Variants in COX7B2 observed in about 807,000 individuals in gnomAD.
COX7B2 encodes cytochrome c oxidase subunit 7B2, mitochondrial.
For synonymous variants in COX7B2, 37 were observed against 32.1 expected (o/e 1.15, Z -0.51); for missense variants, 109 against 95.9 (o/e 1.14, Z -0.57).
chr4:46,828,021 C>A (rs1451768021), intron 2 of COX7B2, among the ~76,000 whole-genome samples: 1 of 152,078 alleles, frequency 6.6e-6, no homozygotes, highest in South Asian at 2.1e-4. Context: ...GGAGGGCACA[C>A]AGATGTATGC....
chr4:46,747,461 G>A (rs1180997199), intron 2 of COX7B2, among the ~76,000 whole-genome samples: 2 of 151,680 alleles, frequency 1.3e-5, no homozygotes, highest in African/African-American at 4.8e-5. Flanking sequence ...GTGCCACCAC[G>A]CCTGGCTAAT....
chr4:46,900,495 AG>A (rs1720014337), intron 1 of COX7B2, among the ~76,000 whole-genome samples: 1 of 152,142 alleles, frequency 6.6e-6, no homozygotes, highest in South Asian at 2.1e-4. Flanking sequence ...AACTGGTGGC[AG>A]GGGAGGAGGG....
Position 46,826,974 on chromosome 4 carries a change from A to G in COX7B2, c.-50+17986T>C, listed in dbSNP as rs554197146. On this transcript the variant is annotated intron_variant, in intron 2 of 2. Coordinates refer to ENST00000355591, the MANE Select transcript of COX7B2 (RefSeq NM_130902.3). Reference sequence around the variant, plus strand: ...ATAACTGAAATGTAATTCACTGAATATGACCAAATGGTTTTAAAATGGAAA... The same window carrying G: ...ATAACTGAAATGTAATTCACTGAATGTGACCAAATGGTTTTAAAATGGAAA... 2.6e-5 allele frequency among the ~76,000 whole-genome samples: 4 copies of G among 152,296 alleles called. No individual in the cohort carries two copies. In the East Asian group the frequency reaches 7.7e-4, roughly 29 times the overall value.
chr4:46,812,029 AT>A (rs895063388), intron 2 of COX7B2, among the ~76,000 whole-genome samples: 14 of 151,888 alleles, frequency 9.2e-5, no homozygotes, highest in Non-Finnish European at 1.9e-4. Context: ...TTAGCTGGGG[AT>A]TTTTCTTGAA....
chr4:46,878,410 A>G (rs917600845), intron 1 of COX7B2, among the ~76,000 whole-genome samples: 1 of 151,972 alleles, frequency 6.6e-6, no homozygotes, highest in Non-Finnish European at 1.5e-5. Flanking sequence ...TTACCATAAA[A>G]AAAAAGGTGA....
At chr4:46,786,365 T>C (rs1717753968) in intron 2 of COX7B2, among the ~76,000 whole-genome samples, 1 of 152,234 alleles carries the variant, frequency 6.6e-6, no homozygotes, top group Non-Finnish European at 1.5e-5. Context: ...TGTTGAACAC[T>C]AATGTTGATT....
chr4:46,747,587 C>T (rs916953254), intron 2 of COX7B2, among the ~76,000 whole-genome samples: 1 of 152,108 alleles, frequency 6.6e-6, no homozygotes, highest in African/African-American at 2.4e-5. Flanking sequence ...CAAGCATGAG[C>T]CACTGTGGCT....
chr4:46,827,446 G>A (rs140375589), intron 2 of COX7B2, among the ~76,000 whole-genome samples: 57 of 152,180 alleles, frequency 3.7e-4, no homozygotes, highest in Non-Finnish European at 6.5e-4. Flanking sequence ...GCCAGAAGAC[G>A]TCAGAATGGC....
chr4:46,829,927 T>C (rs569427763), intron 2 of COX7B2, among the ~76,000 whole-genome samples: 1 of 152,152 alleles, frequency 6.6e-6, no homozygotes, highest in South Asian at 2.1e-4. Flanking sequence ...TATTAATCAG[T>C]TGTATGGAGA....
intron 1 of COX7B2, among the ~76,000 whole-genome samples, chr4:46,908,935 T>A (rs867019560): frequency 3.3e-5 from 5 of 151,582 alleles, no homozygotes; most frequent in Admixed American, 6.6e-5. Flanking sequence ...TCCCAGCTAC[T>A]CGGGAGGCTG....
chr4:46,750,443 T>A (rs565342498), intron 2 of COX7B2, among the ~76,000 whole-genome samples: 2 of 152,016 alleles, frequency 1.3e-5, no homozygotes, highest in African/African-American at 4.8e-5. Flanking sequence ...TATAAGGACA[T>A]GTATATATGA....
chr4:46,873,834 T>C (rs1463556332), intron 1 of COX7B2, among the ~76,000 whole-genome samples: 1 of 152,126 alleles, frequency 6.6e-6, no homozygotes, highest in East Asian at 1.9e-4. Flanking sequence ...CCTCACCCCA[T>C]GACAGGACCC....
chr4:46,743,969 T>C (rs1204803898), intron 2 of COX7B2, among the ~76,000 whole-genome samples: 2 of 152,184 alleles, frequency 1.3e-5, no homozygotes, highest in Non-Finnish European at 2.9e-5. Context: ...GGGTGTGTGG[T>C]AATCCCAGTT....
At chr4:46,758,273 GAGC>G (rs1715919776) in intron 2 of COX7B2, among the ~76,000 whole-genome samples, 1 of 69,068 alleles carries the variant, frequency 1.4e-5, no homozygotes, top group Non-Finnish European at 3.1e-5. Flanking sequence ...ATGAGGTATA[GAGC>G]TAAACTGAGA....
At position 46,759,966 on chromosome 4, in the gene COX7B2, C is replaced by T. The variant is rs541954023; in HGVS notation, c.-49-24725G>A. ...ATATAAGTCTTATATAAGTTATATACGCCTTATCTTACACTTCCTCAGAAA... is the reference window on the plus strand; with the variant it reads ...ATATAAGTCTTATATAAGTTATATATGCCTTATCTTACACTTCCTCAGAAA... On this transcript the variant is annotated intron_variant, in intron 2 of 2. Coordinates refer to ENST00000355591, the MANE Select transcript of COX7B2 (RefSeq NM_130902.3). Among the ~76,000 whole-genome samples the T allele has an allele frequency of 1.7e-4, 25 of 151,108 alleles. 1 individual carries two copies. Among genetic ancestry groups the T allele is most frequent in the South Asian group, 4.2e-4 (2 of 4,774 alleles).
At chr4:46,848,771 TTGTG>T (rs1464001838) in intron 1 of COX7B2, among the ~76,000 whole-genome samples, 2 of 151,964 alleles carry the variant, frequency 1.3e-5, no homozygotes, top group African/African-American at 4.8e-5. Flanking sequence ...TGGTGTGTGT[TTGTG>T]TGTTTATGTG....
chr4:46,748,387 T>C (rs928228769), intron 2 of COX7B2, among the ~76,000 whole-genome samples: 5 of 152,186 alleles, frequency 3.3e-5, no homozygotes, highest in African/African-American at 1.2e-4. Flanking sequence ...AAAAATACTT[T>C]AGGCTAAAAC....
intron 1 of COX7B2, among the ~76,000 whole-genome samples, chr4:46,890,105 G>A (rs1215253869): frequency 1.3e-5 from 2 of 152,118 alleles, no homozygotes; most frequent in Admixed American, 6.6e-5. Flanking sequence ...GAAGAAAGCA[G>A]ACAGCAGGCT....
At chr4:46,766,223 G>T (rs1467034816) in intron 2 of COX7B2, among the ~76,000 whole-genome samples, 1 of 152,184 alleles carries the variant, frequency 6.6e-6, no homozygotes, top group Non-Finnish European at 1.5e-5. Flanking sequence ...TAAGGTGTAG[G>T]AATATAGTAA....
Sources: gnomAD v4.1 joint callset for allele counts (sites outside exome capture counted in the v4.1 genomes callset) on GRCh38, gnomAD v4.1.1 for gene constraint, MANE v1.5 for transcripts, NCBI Gene and HGNC (gene_info 2026-07-23, HGNC 2026-07-21) for gene names.